The following PCDHGA3 variants were observed in gnomAD, a reference collection of about 807,000 sequenced individuals.
PCDHGA3 encodes the protein protocadherin gamma-A3.
A neutral mutation model predicts 58.5 loss-of-function variants in PCDHGA3; 40 were observed. The observed-to-expected ratio is 0.68, with a 90% confidence interval of 0.53 to 0.89. PCDHGA3 has a LOEUF of 0.89. PCDHGA3 is among the 40% of genes least tolerant of loss of function. The pLI is 0.00. For missense variants in PCDHGA3, 1,223 were observed against 1,195.9 expected (o/e 1.02, Z -0.33); for synonymous variants, 530 against 525.7 (o/e 1.01, Z -0.11).
Position 141,431,645 on chromosome 5 carries a change from T to C in PCDHGA3, c.2425-63162T>C. ...GGCGGCCCAAGTTTTCAAACTAGAT[T>C]GTAATTCAGGGACAATATCAACAAT... is the stretch of plus-strand genomic sequence containing the variant. On this transcript the variant is annotated intron_variant, in intron 1 of 3. Coordinates refer to ENST00000253812, the MANE Select transcript of PCDHGA3 (RefSeq NM_018916.4). This position sits in a 1 kb window ranked among gnomAD's most constrained non-coding sequence, Gnocchi z 4.8. 6.2e-7 allele frequency: 1 copy of C among 1,614,236 alleles called. No individual in the cohort carries two copies.
At chr5:141,510,139 G>T (rs931012964) in intron 3 of PCDHGA3, among the ~76,000 whole-genome samples, 1 of 152,136 alleles carries the variant, frequency 6.6e-6, no homozygotes, top group Non-Finnish European at 1.5e-5. Context: ...CTGGGCTAGT[G>T]GTGTGCACCT....
At chr5:141,365,475 T>C in intron 1 of PCDHGA3, 1 of 1,613,978 alleles carries the variant, frequency 6.2e-7, no homozygotes, top group Non-Finnish European at 8.5e-7. Flanking sequence ...AATGGTGAGA[T>C]TGCATGCTCT....
Position 141,491,650 on chromosome 5 carries a change from G to C in PCDHGA3, c.2425-3157G>C, listed in dbSNP as rs1283977913. On this transcript the variant is annotated intron_variant, in intron 1 of 3. Coordinates refer to ENST00000253812, the MANE Select transcript of PCDHGA3 (RefSeq NM_018916.4). The surrounding 1 kb of genome is among the most constrained non-coding windows in gnomAD (Gnocchi z 6.9). ...TCAGCAGCCCACAGCTCTGGCGCTG[G>C]AGCCTGACGCCATCCGGTCCCGCTC... The C allele has an allele frequency of 6.2e-7, 1 of 1,613,876 alleles. No individual in the cohort carries two copies. The highest frequency in any genetic ancestry group is 1.7e-5 in the Admixed American group (1 of 60,034).
intron 1 of PCDHGA3, chr5:141,370,646 A>G: frequency 1.2e-6 from 2 of 1,613,916 alleles, no homozygotes; most frequent in Non-Finnish European, 1.7e-6. Context: ...ATGGGAACTT[A>G]CTTGTGAGCG....
chr5:141,399,515 C>A, intron 1 of PCDHGA3: 13 of 1,614,040 alleles, frequency 8.1e-6, no homozygotes, highest in Non-Finnish European at 1.1e-5. Flanking sequence ...AACAACCCTC[C>A]TGGGGCCTCC....
intron 3 of PCDHGA3, among the ~76,000 whole-genome samples, chr5:141,509,044 C>G (rs1385744160): frequency 1.3e-5 from 2 of 152,130 alleles, no homozygotes. Flanking sequence ...CCCTCTCCCC[C>G]GCCCCCAGAA....
intron 1 of PCDHGA3, among the ~76,000 whole-genome samples, chr5:141,354,713 G>A (rs1759614162): frequency 6.6e-6 from 1 of 152,158 alleles, no homozygotes; most frequent in Non-Finnish European, 1.5e-5. Flanking sequence ...CTGAGAATGG[G>A]CTGTGGGGAT....
At chr5:141,362,228 T>C in intron 1 of PCDHGA3, 2 of 1,614,028 alleles carry the variant, frequency 1.2e-6, no homozygotes, top group African/African-American at 1.3e-5. Context: ...GCCTTGGCCT[T>C]GATCTCAGTG....
chr5:141,453,669 G>T (rs1390396079), intron 1 of PCDHGA3, among the ~76,000 whole-genome samples: 1 of 152,034 alleles, frequency 6.6e-6, no homozygotes, highest in Non-Finnish European at 1.5e-5. Context: ...TTACACAAAA[G>T]GTAACACACT....
Position 141,491,454 on chromosome 5 carries a change from C to T in PCDHGA3, c.2425-3353C>T. The T allele has an allele frequency of 1.9e-6, 3 of 1,614,120 alleles. No individual in the cohort carries two copies. The highest frequency in any genetic ancestry group is 2.5e-6 in the Non-Finnish European group (3 of 1,180,032). On this transcript the variant is annotated intron_variant, in intron 1 of 3. Coordinates refer to ENST00000253812, the MANE Select transcript of PCDHGA3 (RefSeq NM_018916.4). This position sits in a 1 kb window ranked among gnomAD's most constrained non-coding sequence, Gnocchi z 6.9. ...GCTGCAGGCGCCAGGACTCACCCTCCCCGGACTTCTATAAGCAGTCCAGCC... is the reference window on the plus strand; with the variant it reads ...GCTGCAGGCGCCAGGACTCACCCTCTCCGGACTTCTATAAGCAGTCCAGCC...
At position 141,496,266 on chromosome 5, in the gene PCDHGA3, AAGACCTTC is replaced by A. The variant is rs2099767586; in HGVS notation, c.2483+1404_2483+1411del. Among the ~76,000 whole-genome samples the A allele has an allele frequency of 2.0e-5, 3 of 152,152 alleles. No homozygotes were observed. The South Asian group carries it at 6.2e-4, about 32-fold the overall frequency. Reference sequence around the variant, plus strand: ...TGAAGGGGAGGGAAACTTCAGCAGAAAGACCTTCAGTTGGTCTGAGCAGAGTGGGATAG... The same window carrying A: ...TGAAGGGGAGGGAAACTTCAGCAGAAAGTTGGTCTGAGCAGAGTGGGATAG... On this transcript the variant is annotated intron_variant, in intron 2 of 3. Coordinates refer to ENST00000253812, the MANE Select transcript of PCDHGA3 (RefSeq NM_018916.4).
At chr5:141,409,936 A>G in intron 1 of PCDHGA3, 2 of 1,613,064 alleles carry the variant, frequency 1.2e-6, no homozygotes, top group Non-Finnish European at 1.7e-6. Context: ...TCGATATGGT[A>G]CCTCGCTCTG....
chr5:141,350,441 A>C, intron 1 of PCDHGA3: 1 of 1,610,702 alleles, frequency 6.2e-7, no homozygotes, highest in Non-Finnish European at 8.5e-7. Context: ...GGAGTTGCCA[A>C]CTCGAAAACT....
At chr5:141,422,645 TCTCAGTGAC>T in intron 1 of PCDHGA3, 2 of 1,612,232 alleles carry the variant, frequency 1.2e-6, no homozygotes, top group Non-Finnish European at 1.7e-6. Flanking sequence ...GCCTCCATCT[TCTCAGTGAC>T]CGCCCTCGAC....
chr5:141,357,196 G>A (rs1458493906), intron 1 of PCDHGA3: 3 of 1,613,782 alleles, frequency 1.9e-6, no homozygotes, highest in Admixed American at 3.3e-5. Context: ...GGCTGTGGCC[G>A]ACAGCATCCC....
chr5:141,446,289 G>T (rs1333286399), intron 1 of PCDHGA3, among the ~76,000 whole-genome samples: 1 of 152,112 alleles, frequency 6.6e-6, no homozygotes, highest in Non-Finnish European at 1.5e-5. Flanking sequence ...GATAAATGGG[G>T]AGCAGGGATT....
rs1430797606 is a variant in PCDHGA3 at position 141,370,494 on chromosome 5, C to T, written c.2424+24037C>T. On this transcript the variant is annotated intron_variant, in intron 1 of 3. Coordinates refer to ENST00000253812, the MANE Select transcript of PCDHGA3 (RefSeq NM_018916.4). ...AGACCAGGCTCTCTCCGAACCGATC[C>T]GCTACGCTATTCCCGAGGAGCTGGA... 3.1e-6 allele frequency: 5 copies of T among 1,613,784 alleles called. No homozygotes were observed. The African/African-American group carries it at 5.3e-5, about 17-fold the overall frequency.
At chr5:141,454,409 T>G (rs1221091875) in intron 1 of PCDHGA3, among the ~76,000 whole-genome samples, 1 of 152,162 alleles carries the variant, frequency 6.6e-6, no homozygotes, top group Non-Finnish European at 1.5e-5. Flanking sequence ...TTATTCCTTT[T>G]TATTTATTTA....
At chr5:141,408,266 C>G in intron 1 of PCDHGA3, 1 of 1,608,708 alleles carries the variant, frequency 6.2e-7, no homozygotes, top group Non-Finnish European at 8.5e-7. Flanking sequence ...TCCTTTGCTG[C>G]TGCCTTTGTT....
Sources: gnomAD v4.1 joint callset for allele counts (sites outside exome capture counted in the v4.1 genomes callset) on GRCh38, gnomAD v4.1.1 for gene constraint, Gnocchi (gnomAD v3.1) non-coding constraint, MANE v1.5 for transcripts, NCBI Gene and HGNC (gene_info 2026-07-23, HGNC 2026-07-21) for gene names.